ANKS6: variants seen among roughly 807,000 people sequenced by gnomAD.
ANKS6 encodes ankyrin repeat and SAM domain-containing protein 6.
In ANKS6, 47 loss-of-function variants were observed where a neutral mutation model predicts 77.9. The observed-to-expected ratio is 0.60, with a 90% CI of 0.48 to 0.77. ANKS6 has a LOEUF of 0.77. ANKS6 is among the 30% of genes least tolerant of loss of function. The probability of loss-of-function intolerance (pLI) is 0.00; values close to 1 mark genes in which losing one functional copy is unlikely to be tolerated. For missense variants in ANKS6, 1,150 were observed against 1,159.1 expected (o/e 0.99, Z 0.11); for synonymous variants, 488 against 501.7 (o/e 0.97, Z 0.37).
At chr9:98,744,016 T>A (rs921325708) in intron 14 of ANKS6, among the ~76,000 whole-genome samples, 47 of 152,070 alleles carry the variant, frequency 3.1e-4, no homozygotes, top group Admixed American at 2.7e-3. Context: ...CCCCTTGACA[T>A]CTAACAGCAG....
At chr9:98,773,164 A>C (rs1022284733) in intron 9 of ANKS6, among the ~76,000 whole-genome samples, 3 of 152,208 alleles carry the variant, frequency 2.0e-5, no homozygotes, top group African/African-American at 4.8e-5. Context: ...TCCAGGCGCC[A>C]GGCTCTTGGT....
rs1833594711 is a variant in ANKS6, at chr9:98,771,017, G to T, written c.1851C>A (p.Ser617Arg). ...TTPVRPVKFP[S>R]LPRSPASSAN... ...CAGAAGAGGCTGGGCTTCTGGGGAG[G>T]CTTGGAAATTTAACAGGCCTGACGG... The change falls in exon 10 of 15, where the codon AGC becomes AGA. Residue 617 changes from serine to arginine, a missense_variant. By Grantham distance (110) the Ser-to-Arg change is moderately radical (BLOSUM62 -1). Coordinates refer to ENST00000353234, the MANE Select transcript of ANKS6 (RefSeq NM_173551.5). 1.3e-6 allele frequency: 2 copies of T among 1,590,940 alleles called. No homozygotes were observed. The highest frequency in any genetic ancestry group is 1.8e-5 in the Admixed American group (1 of 56,572).
chr9:98,782,745 G>C (rs989143901), intron 4 of ANKS6, among the ~76,000 whole-genome samples, 172 bp from the exon 5 acceptor site: 1 of 152,142 alleles, frequency 6.6e-6, no homozygotes, highest in Non-Finnish European at 1.5e-5. Context: ...GGTCAAGCGG[G>C]AACATGATTT....
intron 14 of ANKS6, among the ~76,000 whole-genome samples, chr9:98,739,446 G>A (rs1437314032): frequency 2.0e-5 from 3 of 152,008 alleles, no homozygotes; most frequent in South Asian, 2.1e-4. Flanking sequence ...TCACAGTCTA[G>A]GTTTGGAGCC....
At chr9:98,790,011 C>T in intron 2 of ANKS6, 93 bp downstream of exon 2, 1 of 1,476,074 alleles carries the variant, frequency 6.8e-7, no homozygotes, top group Non-Finnish European at 9.0e-7. Flanking sequence ...ACTCTGAGTT[C>T]TGCGTGTCCT....
intron 14 of ANKS6, among the ~76,000 whole-genome samples, chr9:98,741,151 C>T (rs1831806145): frequency 6.6e-6 from 1 of 152,172 alleles, no homozygotes. Flanking sequence ...ACATAACCAA[C>T]AGGTAGGAAT....
chr9:98,765,947 A>T (rs1833258648), intron 11 of ANKS6, among the ~76,000 whole-genome samples: 1 of 152,196 alleles, frequency 6.6e-6, no homozygotes, highest in Non-Finnish European at 1.5e-5. Flanking sequence ...GCTGGGATAG[A>T]AAGCCCACTT....
At chr9:98,744,453 G>A (rs887584063) in intron 14 of ANKS6, among the ~76,000 whole-genome samples, 7 of 152,158 alleles carry the variant, frequency 4.6e-5, no homozygotes, top group Non-Finnish European at 1.0e-4. Context: ...TCCCTAGACT[G>A]TGCACCCTCA....
chr9:98,738,908 G>T (rs758583617), intron 14 of ANKS6, among the ~76,000 whole-genome samples: 1 of 152,168 alleles, frequency 6.6e-6, no homozygotes, highest in African/African-American at 2.4e-5. Context: ...GGAATACTAC[G>T]CAGCCATAAA....
In ANKS6 at chr9:98,778,135, C is replaced by A; in HGVS notation, c.1567+91G>T. The A allele has an allele frequency of 2.8e-6, 4 of 1,445,806 alleles. No individual in the cohort carries two copies. In the South Asian group the frequency reaches 5.3e-5, roughly 19 times the overall value. 89.6% of individuals were successfully genotyped at this position (1,445,806 alleles called of 1,614,324 possible). ...TGTCCCATTCCAACATCATCTTACCCCTGACAGCAACCCAGGAGGTAGGAT... is the reference window on the plus strand; with the variant it reads ...TGTCCCATTCCAACATCATCTTACCACTGACAGCAACCCAGGAGGTAGGAT... On this transcript the variant is annotated intron_variant, in intron 7 of 14. Transcript: ENST00000353234.
rs532601293 is a variant in ANKS6, at chr9:98,733,936, G to C, written c.*2583C>G. On this transcript the variant is annotated 3_prime_UTR_variant, in exon 15 of 15. Coordinates refer to ENST00000353234, the MANE Select transcript of ANKS6 (RefSeq NM_173551.5). ...GCCAAGCAAGGGAGGTGCTTCTTGTGGGGGGAACAGCCACAGGCAGGCTGG... is the reference window on the plus strand; with the variant it reads ...GCCAAGCAAGGGAGGTGCTTCTTGTCGGGGGAACAGCCACAGGCAGGCTGG... 3.2e-5 allele frequency: 32 copies of C among 985,382 alleles called. No homozygotes were observed. Among genetic ancestry groups the C allele is most frequent in the Admixed American group, 1.2e-4 (2 of 16,272 alleles). The allele number at this position is 985,382 out of a possible 1,614,324, so 61.0% of individuals were successfully genotyped here. A position where few individuals can be genotyped will look rare whatever the true frequency, so the allele number is the denominator to read the frequency against.
chr9:98,756,387 A>C, intron 12 of ANKS6, 33 bp downstream of exon 12: 1 of 1,600,984 alleles, frequency 6.2e-7, no homozygotes, highest in Non-Finnish European at 8.5e-7. Context: ...GGTGAGAGGA[A>C]TAGGTGGGGT....
In ANKS6 at chr9:98,737,705, T is replaced by C. The variant is rs965767793; in HGVS notation, c.2512-1082A>G. Among the ~76,000 whole-genome samples, 26 of 152,192 alleles carry C rather than the reference T, an allele frequency of 1.7e-4. 1 individual carries two copies. The highest frequency in any genetic ancestry group is 6.3e-4 in the African/African-American group (26 of 41,518). Reference sequence around the variant, plus strand: ...TGCAATTCCCATAAAAATATCACCATCATTCTCCACAAAATTAGAAAAAAC... The same window carrying C: ...TGCAATTCCCATAAAAATATCACCACCATTCTCCACAAAATTAGAAAAAAC... On this transcript the variant is annotated intron_variant, in intron 14 of 14. Coordinates refer to ENST00000353234, the MANE Select transcript of ANKS6 (RefSeq NM_173551.5).
Position 98,761,310 on chromosome 9 carries a change from C to G in ANKS6, c.2143-4707G>C, listed in dbSNP as rs1588360876. 2.0e-5 allele frequency among the ~76,000 whole-genome samples: 3 copies of G among 152,268 alleles called. No individual in the cohort carries two copies. The Middle Eastern group carries it at 0.01, about 518-fold the overall frequency. ...ATAGAGATAGGACCTCACTCTGTAG[C>G]CCAGGCTGGAATGCAGTGGCAACAT... On this transcript the variant is annotated intron_variant, in intron 11 of 14. Coordinates refer to ENST00000353234, the MANE Select transcript of ANKS6 (RefSeq NM_173551.5).
intron 12 of ANKS6, among the ~76,000 whole-genome samples, chr9:98,755,959 G>A (rs1423433935): frequency 6.6e-6 from 1 of 152,112 alleles, no homozygotes; most frequent in Non-Finnish European, 1.5e-5. Flanking sequence ...GAACCTACCT[G>A]AGACCTGGAA....
At chr9:98,762,533 T>C (rs1833071488) in intron 11 of ANKS6, among the ~76,000 whole-genome samples, 1 of 152,210 alleles carries the variant, frequency 6.6e-6, no homozygotes, top group Admixed American at 6.5e-5. Context: ...CCATCAAGTA[T>C]AATCCTGGCT....
Position 98,736,495 on chromosome 9 carries a change from C to T in ANKS6, c.*24G>A, listed in dbSNP as rs367568742. 356 of 1,591,680 alleles carry T rather than the reference C, an allele frequency of 2.2e-4. No individual in the cohort carries two copies. Among genetic ancestry groups the T allele is most frequent in the Non-Finnish European group, 2.8e-4 (329 of 1,167,096 alleles). ...GGGGTCCCGGGATTCAGAGAGCTCA[C>T]GCTGGTGGCTGCGGGAAGGAGGATC... is the stretch of plus-strand genomic sequence containing the variant. On this transcript the variant is annotated 3_prime_UTR_variant, in exon 15 of 15. Coordinates refer to ENST00000353234, the MANE Select transcript of ANKS6 (RefSeq NM_173551.5).
intron 1 of ANKS6, 28 bp from the exon 2 acceptor site, chr9:98,790,634 A>G (rs1487584536): frequency 1.3e-6 from 2 of 1,584,428 alleles, no homozygotes; most frequent in Non-Finnish European, 1.7e-6. Flanking sequence ...AATTAGTGAC[A>G]CTGAACACAC....
At chr9:98,751,002 A>T (rs1588338868) in intron 13 of ANKS6, 27 bp downstream of exon 13, 2 of 1,578,122 alleles carry the variant, frequency 1.3e-6, no homozygotes, top group Non-Finnish European at 1.7e-6. Context: ...TAAGATTTAA[A>T]TTGACATTCA....
Sources: allele counts gnomAD v4.1 joint callset (sites outside exome capture counted in the v4.1 genomes callset), GRCh38; gene constraint gnomAD v4.1.1; transcripts MANE v1.5; gene names NCBI Gene and HGNC (gene_info 2026-07-23, HGNC 2026-07-21).